The following PDE12 variants were observed in gnomAD, a reference collection of about 807,000 sequenced individuals.
PDE12 encodes phosphodiesterase 12, also known as 2',5'-phosphodiesterase 12.
In PDE12, 26 loss-of-function variants were observed where a neutral mutation model predicts 45.4. The ratio of observed to expected loss-of-function variants is 0.57; its 90% CI spans 0.42 to 0.79. PDE12 has a LOEUF of 0.79. PDE12 is among the 30% of genes least tolerant of loss of function. The pLI, the probability that PDE12 is intolerant of heterozygous loss-of-function variation, is 0.00. For missense variants in PDE12, 668 were observed against 790.0 expected, an observed-to-expected ratio of 0.85 and a Z score of 1.85; for synonymous variants, 283 against 323.9, an observed-to-expected ratio of 0.87 and a Z score of 1.36.
the PDE12 span, among the ~76,000 whole-genome samples, chr3:57,587,212 T>C: frequency 6.6e-6 from 1 of 151,142 alleles, no homozygotes; most frequent in Admixed American, 6.6e-5. Context: ...CCAGATACTC[T>C]GGAGGCTGAG....
the PDE12 span, among the ~76,000 whole-genome samples, chr3:57,594,365 G>A: frequency 6.6e-6 from 1 of 152,184 alleles, no homozygotes; most frequent in African/African-American, 2.4e-5. Flanking sequence ...TGGGATAATA[G>A]GCGTGAGCCA....
the PDE12 span, among the ~76,000 whole-genome samples, chr3:57,629,192 C>G: frequency 6.6e-6 from 1 of 152,166 alleles, no homozygotes; most frequent in Admixed American, 6.6e-5. Flanking sequence ...ACCCCCACTT[C>G]CACTAAGTAG....
chr3:57,557,799 A>G, intron 1 of PDE12, 112 bp downstream of exon 1: 1 of 964,212 alleles, frequency 1.0e-6, no homozygotes, highest in Non-Finnish European at 1.5e-6. Flanking sequence ...TATTGTTGAA[A>G]GGTGTGTTTG....
At chr3:57,590,705 G>A in the PDE12 span, among the ~76,000 whole-genome samples, 1 of 151,962 alleles carries the variant, frequency 6.6e-6, no homozygotes, top group African/African-American at 2.4e-5. Flanking sequence ...TTGAGACAGG[G>A]TCTCGATCTG....
chr3:57,610,874 G>A, the PDE12 span, among the ~76,000 whole-genome samples: 7 of 152,040 alleles, frequency 4.6e-5, no homozygotes, highest in Admixed American at 6.6e-5. Flanking sequence ...TCACAGAACT[G>A]GAAAAAACTA....
the PDE12 span, chr3:57,641,861 T>C: frequency 1.3e-6 from 1 of 756,838 alleles, no homozygotes; most frequent in Non-Finnish European, 2.1e-6. Flanking sequence ...TGATTTTTCC[T>C]TTATTCAACA....
At position 57,561,767 on chromosome 3, in the gene PDE12, T is replaced by C; in HGVS notation, c.*1763T>C. 1.0e-6 allele frequency: 1 copy of C among 984,076 alleles called. No homozygotes were observed. The highest frequency in any genetic ancestry group is 1.2e-6 in the Non-Finnish European group (1 of 828,702). The allele number at this position is 984,076 out of a possible 1,614,324, so 61.0% of individuals were successfully genotyped here. On this transcript the variant is annotated 3_prime_UTR_variant, in exon 3 of 3. Coordinates refer to ENST00000311180, the MANE Select transcript of PDE12 (RefSeq NM_177966.7). The stretch of plus-strand genomic sequence containing the variant: ...ATAAGAATTTCCTCTTTTGATAACA[T>C]CTGTACTTTCATATTCTGCTCACTA...
At chr3:57,569,328 G>A (rs994841337), downstream of PDE12, among the ~76,000 whole-genome samples, 2 of 152,010 alleles carry the variant, frequency 1.3e-5, no homozygotes, top group African/African-American at 4.8e-5. Context: ...ATTTTTAGGG[G>A]TAAATGTGTC....
chr3:57,653,270 C>G, the PDE12 span, among the ~76,000 whole-genome samples: 2 of 152,092 alleles, frequency 1.3e-5, no homozygotes, highest in South Asian at 2.1e-4. Context: ...AAATTATTGT[C>G]TTTCAAGTAT....
chr3:57,638,433 G>A, the PDE12 span, among the ~76,000 whole-genome samples: 2 of 151,936 alleles, frequency 1.3e-5, no homozygotes, highest in African/African-American at 4.8e-5. Flanking sequence ...CAAGGCGGGT[G>A]GATCACCTGA....
chr3:57,641,937 G>A, the PDE12 span, among the ~76,000 whole-genome samples: 9 of 151,976 alleles, frequency 5.9e-5, no homozygotes, highest in African/African-American at 1.9e-4. Flanking sequence ...GAAAGGACAC[G>A]GTCCTTCCAG....
the PDE12 span, among the ~76,000 whole-genome samples, chr3:57,619,771 AC>A: frequency 1.3e-5 from 2 of 151,304 alleles, no homozygotes; most frequent in Non-Finnish European, 2.9e-5. Context: ...AGTTGCTTAA[AC>A]CCGGGAGGCA....
chr3:57,591,210 A>C, the PDE12 span, among the ~76,000 whole-genome samples: 1 of 152,158 alleles, frequency 6.6e-6, no homozygotes, highest in Non-Finnish European at 1.5e-5. Flanking sequence ...TCCGCTCCTA[A>C]GTATTTATCA....
In PDE12 at chr3:57,564,380, A is replaced by C. The variant is rs1404618809; in HGVS notation, c.*4376A>C. On this transcript the variant is annotated 3_prime_UTR_variant, in exon 3 of 3. Transcript: ENST00000311180. ...TACTCATAATTTAAAATTTCCCCGC[A>C]AAATTTCACAGAAAACTGAATTATT... is the stretch of plus-strand genomic sequence containing the variant. The C allele has an allele frequency of 6.6e-6, 1 of 152,242 alleles. No individual in the cohort carries two copies. The highest frequency in any genetic ancestry group is 1.5e-5 in the Non-Finnish European group (1 of 68,044). The allele number at this position is 152,242 out of a possible 1,614,324, so 9.4% of individuals were successfully genotyped here.
the PDE12 span, among the ~76,000 whole-genome samples, chr3:57,612,442 C>A: frequency 6.6e-6 from 1 of 151,884 alleles, no homozygotes; most frequent in Non-Finnish European, 1.5e-5. Flanking sequence ...AATAAAAGAA[C>A]ATATACTTAA....
Position 57,561,315 on chromosome 3 carries a change from A to G in PDE12, c.*1311A>G. The G allele has an allele frequency of 4.1e-6, 4 of 985,316 alleles. No homozygotes were observed. Among genetic ancestry groups the G allele is most frequent in the Non-Finnish European group, 4.8e-6 (4 of 829,456 alleles). 61.0% of individuals were successfully genotyped at this position (985,316 alleles called of 1,614,324 possible). On this transcript the variant is annotated 3_prime_UTR_variant, in exon 3 of 3. Coordinates refer to ENST00000311180, the MANE Select transcript of PDE12 (RefSeq NM_177966.7). ...AATTTCAAAATTGTTGGTTTTTATA[A>G]ACAGGAAAAAGGTTGAGTAGTGGGA...
the PDE12 span, among the ~76,000 whole-genome samples, chr3:57,586,218 C>G: frequency 1.3e-5 from 2 of 152,138 alleles, no homozygotes. Context: ...TCATATCTGG[C>G]CGCCTGGGTT....
rs2069679965 is a variant in PDE12, at chr3:57,557,549, G to C, written c.1170G>C (p.Lys390Asn). ...EGLATFYRKS[K>N]FSLLSQHDIS... ...TGGCCACTTTCTACCGAAAGTCTAA[G>C]TTCAGCCTTCTTAGCCAGCATGACA... The change falls in exon 1 of 3, where the codon AAG (lysine) becomes AAC (asparagine). Residue 390 changes from lysine to asparagine, a missense_variant. Transcript: ENST00000311180. 6.2e-7 allele frequency: 1 copy of C among 1,614,098 alleles called. No individual in the cohort carries two copies. The highest frequency in any genetic ancestry group is 8.5e-7 in the Non-Finnish European group (1 of 1,180,036).
the PDE12 span, among the ~76,000 whole-genome samples, chr3:57,580,055 T>C: frequency 2.0e-5 from 3 of 152,104 alleles, no homozygotes; most frequent in African/African-American, 7.2e-5. Context: ...CAGTGAGCCA[T>C]GATCATGCCA....
Sources: gnomAD v4.1 joint callset for allele counts (sites outside exome capture counted in the v4.1 genomes callset) on GRCh38, gnomAD v4.1.1 for gene constraint, MANE v1.5 for transcripts, NCBI Gene and HGNC (gene_info 2026-07-23, HGNC 2026-07-21) for gene names.